The following LIN7B variants were observed in gnomAD, a reference collection of about 807,000 sequenced individuals.
LIN7B encodes protein lin-7 homolog B.
LIN7B carries 16 observed loss-of-function variants against 27.9 expected under a neutral mutation model. The ratio of observed to expected loss-of-function variants is 0.57; its 90% CI spans 0.39 to 0.87. The LOEUF (loss-of-function observed/expected upper bound fraction) is 0.87. Ranked by LOEUF, LIN7B falls within the 40% of genes least tolerant of loss-of-function variation. LIN7B has a pLI of 0.00. For synonymous variants in LIN7B, 147 were observed against 120.8 expected, an observed-to-expected ratio of 1.22 and a Z score of -1.42; for missense variants, 291 against 288.5, an observed-to-expected ratio of 1.01 and a Z score of -0.06.
intron 2 of LIN7B, 80 bp downstream of exon 2, chr19:49,115,047 G>A: frequency 1.9e-6 from 2 of 1,046,686 alleles, no homozygotes; most frequent in Non-Finnish European, 2.6e-6. Flanking sequence ...CGAGCCCGGA[G>A]ACTACGCCTC....
At chr19:49,115,131 T>C in intron 2 of LIN7B, 129 bp from the exon 3 acceptor site, 1 of 952,748 alleles carries the variant, frequency 1.0e-6, no homozygotes, top group Non-Finnish European at 1.5e-6. Flanking sequence ...GTTGTAGTTT[T>C]CTCGGCCTTC....
At position 49,117,857 on chromosome 19, in the gene LIN7B, C is replaced by A; in HGVS notation, c.441C>A (p.Ser147Arg). The change falls in exon 5 of 6, where the codon AGC becomes AGA. Residue 147 changes from serine (S) to arginine (R), a missense_variant and splice_region_variant. Transcript: ENST00000221459. ...GDQLLSVNGV[S>R]VEGEQHEKAV... ...GCTGTCTGTGTTGGGCCCTGCAGAGCGTTGAGGGTGAGCAGCATGAGAAGG... is the reference window on the plus strand; with the variant it reads ...GCTGTCTGTGTTGGGCCCTGCAGAGAGTTGAGGGTGAGCAGCATGAGAAGG... 1 of 1,613,242 alleles carries A rather than the reference C, an allele frequency of 6.2e-7. No homozygotes were observed. The highest frequency in any genetic ancestry group is 1.1e-5 in the South Asian group (1 of 91,042).
Position 49,114,845 on chromosome 19 carries a change from G to A in LIN7B, c.38-4G>A, listed in dbSNP as rs1176288787. 2.8e-6 allele frequency: 4 copies of A among 1,437,610 alleles called. No individual in the cohort carries two copies. The highest frequency in any genetic ancestry group is 1.4e-5 in the South Asian group (1 of 70,626). 89.1% of individuals were successfully genotyped at this position (1,437,610 alleles called of 1,614,324 possible). A position where few individuals can be genotyped will look rare whatever the true frequency, so the allele number is the denominator to read the frequency against. On this transcript the variant is annotated splice_region_variant and splice_polypyrimidine_tract_variant and intron_variant, in intron 1 of 5. Transcript: ENST00000221459. ...GGTTTCTGCGCCCCGCCCCCGCCCC[G>A]CAGACGTGTCCCGGGCGGTTGAGCT...
At chr19:49,115,474 A>G in intron 3 of LIN7B, 143 bp downstream of exon 3, 1 of 708,498 alleles carries the variant, frequency 1.4e-6, no homozygotes, top group Non-Finnish European at 2.4e-6. Flanking sequence ...AAATAATCGC[A>G]CATTTTTAAC....
intron 3 of LIN7B, chr19:49,115,581 A>G (rs2040812849): frequency 2.4e-6 from 1 of 409,584 alleles, no homozygotes; most frequent in South Asian, 3.5e-5. Context: ...AGTGCAAACC[A>G]GGAAACTCAT....
At chr19:49,116,536 T>A in intron 4 of LIN7B, 64 bp downstream of exon 4, 1 of 1,426,758 alleles carries the variant, frequency 7.0e-7, no homozygotes, top group Non-Finnish European at 9.7e-7. Context: ...AGCCCCTGCT[T>A]TTGACATTCA....
intron 5 of LIN7B, 120 bp from the exon 6 acceptor site, chr19:49,118,232 A>G (rs992269317): frequency 1.1e-5 from 15 of 1,351,738 alleles, no homozygotes; most frequent in Admixed American, 7.1e-5. Flanking sequence ...TACGGAACCT[A>G]CTGTGGCTGG....
chr19:49,117,084 A>G (rs2040837850), intron 4 of LIN7B, among the ~76,000 whole-genome samples: 1 of 151,870 alleles, frequency 6.6e-6, no homozygotes, highest in East Asian at 1.9e-4. Flanking sequence ...CATCTCTACT[A>G]AAAATACAAA....
At position 49,115,244 on chromosome 19, in the gene LIN7B, C is replaced by T. The variant is rs779702869; in HGVS notation, c.157-16C>T. ...AGGAGCTGGCGACTCCCTGATGCCG[C>T]TGCCTCCTCACCCAGGTGTATGAGC... is the stretch of plus-strand genomic sequence containing the variant. On this transcript the variant is annotated splice_polypyrimidine_tract_variant and intron_variant, in intron 2 of 5. Transcript: ENST00000221459. 3.2e-6 allele frequency: 5 copies of T among 1,548,068 alleles called. No individual in the cohort carries two copies. The highest frequency in any genetic ancestry group is 4.4e-6 in the Non-Finnish European group (5 of 1,144,586).
intron 3 of LIN7B, chr19:49,115,948 T>C: frequency 4.5e-6 from 1 of 222,014 alleles, no homozygotes; most frequent in Non-Finnish European, 8.9e-6. Flanking sequence ...AGGCCGAGGT[T>C]GCAGTGAGCC....
intron 4 of LIN7B, 80 bp downstream of exon 4, chr19:49,116,552 C>A: frequency 7.8e-7 from 1 of 1,286,428 alleles, no homozygotes; most frequent in Non-Finnish European, 1.1e-6. Flanking sequence ...ATTCACTCAA[C>A]ACACACTGAG....
At chr19:49,114,993 C>T (rs1405336403) in intron 2 of LIN7B, 26 bp downstream of exon 2, 6 of 1,352,416 alleles carry the variant, frequency 4.4e-6, no homozygotes, top group Non-Finnish European at 5.8e-6. Context: ...CGCAGGGGCG[C>T]GAGCTGGTGG....
At chr19:49,116,182 G>A in intron 3 of LIN7B, 81 bp from the exon 4 acceptor site, 1 of 1,252,086 alleles carries the variant, frequency 8.0e-7, no homozygotes, top group Non-Finnish European at 1.1e-6. Context: ...CTAAATCGCT[G>A]TCCTCGGTCC....
At chr19:49,115,235 C>A in intron 2 of LIN7B, 25 bp from the exon 3 acceptor site, 1 of 1,545,530 alleles carries the variant, frequency 6.5e-7, no homozygotes, top group Non-Finnish European at 8.7e-7. Flanking sequence ...TGGCGACTCC[C>A]TGATGCCGCT....
intron 4 of LIN7B, 128 bp downstream of exon 4, chr19:49,116,600 A>G: frequency 1.1e-6 from 1 of 882,384 alleles, no homozygotes; most frequent in Non-Finnish European, 1.7e-6. Flanking sequence ...GGGCAATGTT[A>G]CAGACTCTGA....
chr19:49,118,181 C>T (rs1014999776), intron 5 of LIN7B, 163 bp downstream of exon 5: 3 of 1,356,278 alleles, frequency 2.2e-6, no homozygotes, highest in Admixed American at 4.0e-5. Context: ...CTAGTTTGGC[C>T]AAATCCCCTG....
At chr19:49,117,648 G>GT (rs1163381228) in intron 4 of LIN7B, among the ~76,000 whole-genome samples, 4 of 152,114 alleles carry the variant, frequency 2.6e-5, no homozygotes, top group African/African-American at 9.7e-5. Flanking sequence ...GGGACTGAGG[G>GT]AACACGGGGC....
intron 4 of LIN7B, among the ~76,000 whole-genome samples, chr19:49,117,625 G>C (rs2040850226): frequency 6.6e-6 from 1 of 152,066 alleles, no homozygotes; most frequent in Admixed American, 6.6e-5. Flanking sequence ...AGATGGGTCT[G>C]GACGTTTGGC....
At chr19:49,118,048 G>A (rs962003865) in intron 5 of LIN7B, 30 bp downstream of exon 5, 2 of 1,611,396 alleles carry the variant, frequency 1.2e-6, no homozygotes, top group Non-Finnish European at 1.7e-6. Context: ...CACCCCTGGG[G>A]CCTCCACGGG....
Sources: gnomAD v4.1 joint callset for allele counts (sites outside exome capture counted in the v4.1 genomes callset) on GRCh38, gnomAD v4.1.1 for gene constraint, MANE v1.5 for transcripts, NCBI Gene and HGNC (gene_info 2026-07-23, HGNC 2026-07-21) for gene names.